The following ANKS1B variants were observed in gnomAD, a reference collection of about 807,000 sequenced individuals.
ANKS1B encodes ankyrin repeat and sterile alpha motif domain-containing protein 1B.
In ANKS1B, 36 loss-of-function variants were observed where a neutral mutation model predicts 148.3. That is an observed-to-expected ratio of 0.24 (90% CI 0.19 to 0.32). The LOEUF is 0.32. Ranked by LOEUF, ANKS1B falls within the 10% of genes least tolerant of loss-of-function variation. ANKS1B has a pLI of 1.00. For missense variants in ANKS1B, 1,157 were observed against 1,542.6 expected, an observed-to-expected ratio of 0.75 and a Z score of 4.19; for synonymous variants, 542 against 560.8, an observed-to-expected ratio of 0.97 and a Z score of 0.47.
chr12:99,013,752 A>G (rs1344919646), intron 17 of ANKS1B, among the ~76,000 whole-genome samples: 2 of 152,180 alleles, frequency 1.3e-5, no homozygotes, highest in Non-Finnish European at 2.9e-5. Flanking sequence ...ATGAACTCTC[A>G]TTCACGACTG....
intron 19 of ANKS1B, among the ~76,000 whole-genome samples, chr12:98,825,130 G>T (rs1227331231): frequency 1.3e-5 from 2 of 152,118 alleles, no homozygotes; most frequent in South Asian, 2.1e-4. Context: ...CACTCACCCT[G>T]TTTGGCAGAT....
At chr12:99,443,848 C>T (rs1236294738) in intron 10 of ANKS1B, 39 bp from the exon 11 acceptor site, 1 of 1,563,022 alleles carries the variant, frequency 6.4e-7, no homozygotes, top group African/African-American at 1.4e-5. Context: ...CCTAATCACT[C>T]AGTTTACCTT....
intron 11 of ANKS1B, among the ~76,000 whole-genome samples, chr12:99,404,687 T>C (rs1341121996): frequency 1.4e-5 from 2 of 145,272 alleles, no homozygotes; most frequent in Admixed American, 6.8e-5. Context: ...AATCTAACAG[T>C]TATTGGCCTT....
intron 1 of ANKS1B, among the ~76,000 whole-genome samples, chr12:99,899,191 A>C (rs142709054): frequency 1.4e-3 from 207 of 152,308 alleles, no homozygotes; most frequent in African/African-American, 4.7e-3. Context: ...TTTAAGCTGA[A>C]GCAACTAAGA....
intron 19 of ANKS1B, among the ~76,000 whole-genome samples, chr12:98,821,318 T>C (rs1469474901): frequency 6.6e-6 from 1 of 152,238 alleles, no homozygotes; most frequent in African/African-American, 2.4e-5. Flanking sequence ...AGTGGATTTA[T>C]TCAGATGCCC....
rs376447533 is a variant in ANKS1B at position 98,820,470 on chromosome 12, G to A, written c.3066+8704C>T. Among the ~76,000 whole-genome samples the A allele has an allele frequency of 3.5e-4, 54 of 152,286 alleles. 1 individual carries two copies. In the South Asian group the frequency reaches 5.8e-3, roughly 16 times the overall value. ...CAATTTGTGTCCAATCTGATCTGTC[G>A]TAGAGCCCTGTGGTTTTATGATGCC... On this transcript the variant is annotated intron_variant, in intron 19 of 26. Coordinates refer to ENST00000683438, the MANE Select transcript of ANKS1B (RefSeq NM_001352186.2).
intron 1 of ANKS1B, among the ~76,000 whole-genome samples, chr12:99,831,342 T>C (rs1043669239): frequency 1.3e-5 from 2 of 152,072 alleles, no homozygotes; most frequent in African/African-American, 4.8e-5. Context: ...AAGCTGGTGG[T>C]GAAAATGTAA....
chr12:99,596,163 T>TA lies in ANKS1B; in HGVS notation c.1272+58903dup, dbSNP rs550321818. Among the ~76,000 whole-genome samples the TA allele has an allele frequency of 2.4e-3, 361 of 151,612 alleles. 1 individual carries two copies. The highest frequency in any genetic ancestry group is 7.3e-3 in the African/African-American group (303 of 41,408). On this transcript the variant is annotated intron_variant, in intron 9 of 26. Coordinates refer to ENST00000683438, the MANE Select transcript of ANKS1B (RefSeq NM_001352186.2). Reference sequence around the variant, plus strand: ...ACAAACTACCATAAATTGAGTGGCTTAAAAAAAACAAAAATTTCCTATCTC... The same window carrying TA: ...ACAAACTACCATAAATTGAGTGGCTTAAAAAAAAACAAAAATTTCCTATCTC...
chr12:99,336,448 G>C (rs1480967244), intron 12 of ANKS1B, among the ~76,000 whole-genome samples: 1 of 152,044 alleles, frequency 6.6e-6, no homozygotes, highest in African/African-American at 2.4e-5. Flanking sequence ...CTGCCCAGTT[G>C]AATGTCCTGG....
chr12:99,218,125 T>C (rs182867502), intron 14 of ANKS1B, among the ~76,000 whole-genome samples: 7 of 152,278 alleles, frequency 4.6e-5, no homozygotes, highest in African/African-American at 1.7e-4. Flanking sequence ...AACACCAGGA[T>C]GCTAATATGA....
chr12:99,120,981 G>C (rs2062659135), intron 15 of ANKS1B, among the ~76,000 whole-genome samples: 1 of 152,122 alleles, frequency 6.6e-6, no homozygotes, highest in Non-Finnish European at 1.5e-5. Context: ...CATATTAAGA[G>C]AATGATGACT....
At chr12:99,722,366 CTT>C (rs1387822200) in intron 8 of ANKS1B, among the ~76,000 whole-genome samples, 1 of 152,182 alleles carries the variant, frequency 6.6e-6, no homozygotes, top group Non-Finnish European at 1.5e-5. Context: ...CAGCTGGTAA[CTT>C]TAAGTTGAAG....
chr12:98,767,460 C>T (rs561251185), intron 25 of ANKS1B, among the ~76,000 whole-genome samples: 3 of 152,188 alleles, frequency 2.0e-5, no homozygotes, highest in Non-Finnish European at 4.4e-5. Flanking sequence ...ATTCTCTACG[C>T]ACTCCTGAGA....
At chr12:99,182,239 C>T (rs1258965982) in intron 14 of ANKS1B, among the ~76,000 whole-genome samples, 1 of 152,080 alleles carries the variant, frequency 6.6e-6, no homozygotes, top group Non-Finnish European at 1.5e-5. Context: ...TGGGGGAAAC[C>T]ACCCCCACGA....
At chr12:99,426,835 T>C (rs1472841896) in intron 11 of ANKS1B, among the ~76,000 whole-genome samples, 3 of 152,188 alleles carry the variant, frequency 2.0e-5, no homozygotes, top group Admixed American at 2.0e-4. Flanking sequence ...CATTTGATCC[T>C]TGCTCCCCAG....
At chr12:99,411,617 TA>T (rs1337263072) in intron 11 of ANKS1B, among the ~76,000 whole-genome samples, 3 of 152,196 alleles carry the variant, frequency 2.0e-5, no homozygotes, top group Non-Finnish European at 4.4e-5. Context: ...TAATTCTAAA[TA>T]TTTTTTTCTC....
At chr12:98,787,542 G>A (rs912737388) in intron 22 of ANKS1B, among the ~76,000 whole-genome samples, 9 of 152,126 alleles carry the variant, frequency 5.9e-5, no homozygotes, top group South Asian at 2.1e-4. Flanking sequence ...CATAGGATTC[G>A]ATCTAATGGT....
chr12:98,842,602 T>G (rs1447612336), intron 17 of ANKS1B, among the ~76,000 whole-genome samples: 1 of 152,188 alleles, frequency 6.6e-6, no homozygotes, highest in Admixed American at 6.5e-5. Flanking sequence ...AAGTTGTTTT[T>G]GAAAAAAGAA....
intron 10 of ANKS1B, among the ~76,000 whole-genome samples, chr12:99,496,064 G>A (rs1299563314): frequency 6.9e-6 from 1 of 145,616 alleles, no homozygotes; most frequent in Non-Finnish European, 1.5e-5. Flanking sequence ...TGCTGAATGT[G>A]TCCTTTTTTT....
Sources: gnomAD v4.1 joint callset for allele counts (sites outside exome capture counted in the v4.1 genomes callset) on GRCh38, gnomAD v4.1.1 for gene constraint, MANE v1.5 for transcripts, NCBI Gene and HGNC (gene_info 2026-07-23, HGNC 2026-07-21) for gene names.